The following ZBTB20 variants were observed in gnomAD, a reference collection of about 807,000 sequenced individuals.
ZBTB20 encodes zinc finger and BTB domain containing 20.
ZBTB20 carries 9 observed loss-of-function variants against 56.9 expected under a neutral mutation model. That is an observed-to-expected ratio of 0.16 (90% CI 0.10 to 0.28). The LOEUF is 0.28. Among genes scored for constraint, ZBTB20 ranks in the 10% least tolerant of loss-of-function variants. The probability of loss-of-function intolerance (pLI) is 1.00; values close to 1 mark genes in which losing one functional copy is unlikely to be tolerated. For missense variants in ZBTB20, 655 were observed against 1,003.0 expected, an observed-to-expected ratio of 0.65 and a Z score of 4.69; for synonymous variants, 417 against 420.7, an observed-to-expected ratio of 0.99 and a Z score of 0.11.
chr3:114,986,276 T>C (rs1395142255), intron 2 of ZBTB20, among the ~76,000 whole-genome samples: 2 of 152,102 alleles, frequency 1.3e-5, no homozygotes, highest in African/African-American at 4.8e-5. Context: ...ATTTTGGCCT[T>C]CTATAGATTC....
chr3:115,107,935 A>G (rs576923250), intron 1 of ZBTB20, among the ~76,000 whole-genome samples: 1 of 152,316 alleles, frequency 6.6e-6, no homozygotes, highest in East Asian at 1.9e-4. Context: ...GAGCTGAACA[A>G]TGAGAACACA....
intron 2 of ZBTB20, among the ~76,000 whole-genome samples, chr3:115,015,787 C>A (rs1246641601): frequency 6.6e-6 from 1 of 151,856 alleles, no homozygotes; most frequent in Non-Finnish European, 1.5e-5. Flanking sequence ...CATAAACGTG[C>A]ATGTATCTTT....
chr3:114,990,282 T>C (rs1204176875), intron 2 of ZBTB20, among the ~76,000 whole-genome samples: 6 of 152,188 alleles, frequency 3.9e-5, no homozygotes, highest in Non-Finnish European at 7.4e-5. Context: ...ATCCCATCAA[T>C]ACCTAATTTA....
chr3:114,667,406 C>T (rs1560104614), intron 6 of ZBTB20, among the ~76,000 whole-genome samples: 1 of 152,002 alleles, frequency 6.6e-6, no homozygotes, highest in East Asian at 1.9e-4. Flanking sequence ...GATCTGATTG[C>T]AGGCTGCAAT....
At chr3:114,414,973 C>T (rs952102924) in intron 7 of ZBTB20, among the ~76,000 whole-genome samples, 4 of 142,274 alleles carry the variant, frequency 2.8e-5, no homozygotes, top group African/African-American at 7.5e-5. Flanking sequence ...AGGATTTTAA[C>T]CACAGATGTA....
rs1465749798 is a variant in ZBTB20, at chr3:114,316,380, C to A, written c.*22625G>T. ...TGTTGCAAGAGTCCAACCTTGTTTC[C>A]TCTGCTGCTGTTTGTGTAGCATCTG... On this transcript the variant is annotated 3_prime_UTR_variant, in exon 12 of 12. Transcript: ENST00000675478. 2.3e-6 allele frequency: 1 copy of A among 429,012 alleles called. No individual in the cohort carries two copies. Among genetic ancestry groups the A allele is most frequent in the Non-Finnish European group, 4.6e-6 (1 of 215,810 alleles). 26.6% of individuals were successfully genotyped at this position (429,012 alleles called of 1,614,324 possible).
At chr3:114,502,214 C>T (rs2044073793) in intron 6 of ZBTB20, among the ~76,000 whole-genome samples, 1 of 152,110 alleles carries the variant, frequency 6.6e-6, no homozygotes, top group Non-Finnish European at 1.5e-5. Context: ...CATAAGGCCT[C>T]CAGAAATATG....
intron 3 of ZBTB20, among the ~76,000 whole-genome samples, chr3:114,971,777 G>C (rs2077894654): frequency 6.6e-6 from 1 of 152,152 alleles, no homozygotes; most frequent in South Asian, 2.1e-4. Context: ...AGCTAAGATG[G>C]AACAGAGACA....
At chr3:114,726,021 C>G (rs563218412) in intron 5 of ZBTB20, among the ~76,000 whole-genome samples, 1 of 152,082 alleles carries the variant, frequency 6.6e-6, no homozygotes, top group Non-Finnish European at 1.5e-5. Context: ...TAATAGTTGA[C>G]AGTTTATTTT....
intron 3 of ZBTB20, among the ~76,000 whole-genome samples, chr3:114,928,083 G>A (rs1323710362): frequency 2.0e-5 from 3 of 152,316 alleles, no homozygotes; most frequent in Non-Finnish European, 1.5e-5. Flanking sequence ...GTTTACTCAT[G>A]TGAAATGTGA....
At position 114,968,157 on chromosome 3, in the gene ZBTB20, T is replaced by C. The variant is rs188391052; in HGVS notation, c.-456+6209A>G. Among the ~76,000 whole-genome samples, 244 of 152,258 alleles carry C rather than the reference T, an allele frequency of 1.6e-3. 1 individual carries two copies. Among genetic ancestry groups the C allele is most frequent in the Non-Finnish European group, 2.5e-3 (167 of 68,004 alleles). On this transcript the variant is annotated intron_variant, in intron 3 of 11. Coordinates refer to ENST00000675478, the MANE Select transcript of ZBTB20 (RefSeq NM_001348800.3). ...AATGTATATATTATATATAGATACA[T>C]ATGCATTTACATTTCCACATTTATT...
chr3:114,904,953 C>T (rs1226478989), intron 3 of ZBTB20, among the ~76,000 whole-genome samples: 1 of 151,868 alleles, frequency 6.6e-6, no homozygotes, highest in African/African-American at 2.4e-5. Context: ...AAAACTAAAG[C>T]TTATTTACAA....
At chr3:115,123,192 T>C (rs982494453) in intron 1 of ZBTB20, among the ~76,000 whole-genome samples, 39 of 152,182 alleles carry the variant, frequency 2.6e-4, no homozygotes, top group African/African-American at 8.4e-4. Context: ...ATATTAGGAC[T>C]CTCATTAAAC....
At chr3:114,663,199 A>ACC (rs1392520413) in intron 6 of ZBTB20, among the ~76,000 whole-genome samples, 1 of 145,346 alleles carries the variant, frequency 6.9e-6, no homozygotes, top group East Asian at 2.0e-4. Flanking sequence ...CTCGGCAGAA[A>ACC]CCCTACAAGC....
intron 6 of ZBTB20, among the ~76,000 whole-genome samples, chr3:114,566,887 G>A (rs961035775): frequency 7.9e-5 from 12 of 152,318 alleles, no homozygotes; most frequent in Non-Finnish European, 1.6e-4. Context: ...GTGATTTCAA[G>A]CATTTTAAGC....
At chr3:114,884,901 C>A (rs1030294480) in intron 4 of ZBTB20, among the ~76,000 whole-genome samples, 1 of 152,160 alleles carries the variant, frequency 6.6e-6, no homozygotes, top group Non-Finnish European at 1.5e-5. Context: ...CTCTAACAAA[C>A]CCTGGTACCA....
At chr3:114,641,864 T>C (rs2059580623) in intron 6 of ZBTB20, among the ~76,000 whole-genome samples, 1 of 151,918 alleles carries the variant, frequency 6.6e-6, no homozygotes. Context: ...AAAAAGACTC[T>C]CACTGTTTTT....
intron 6 of ZBTB20, among the ~76,000 whole-genome samples, chr3:114,623,049 T>A (rs900599823): frequency 2.0e-5 from 3 of 152,162 alleles, no homozygotes; most frequent in Non-Finnish European, 4.4e-5. Context: ...GGTTTTTGTT[T>A]CGTCTTTTGT....
chr3:114,491,687 C>G (rs1226244045), intron 7 of ZBTB20, among the ~76,000 whole-genome samples: 1 of 152,196 alleles, frequency 6.6e-6, no homozygotes, highest in Non-Finnish European at 1.5e-5. Flanking sequence ...TCTCTCCTCT[C>G]TACGGTATTC....
Sources: gnomAD v4.1 joint callset for allele counts (sites outside exome capture counted in the v4.1 genomes callset) on GRCh38, gnomAD v4.1.1 for gene constraint, MANE v1.5 for transcripts, NCBI Gene and HGNC (gene_info 2026-07-23, HGNC 2026-07-21) for gene names.